Variants in DMXL2 observed in about 807,000 individuals in gnomAD.
The protein encoded by DMXL2 is dmX-like protein 2.
In DMXL2, 103 loss-of-function variants were observed where a neutral mutation model predicts 331.1. The observed-to-expected ratio is 0.31, with a 90% confidence interval of 0.27 to 0.37. The LOEUF is 0.37. DMXL2 is among the 10% of genes least tolerant of loss of function. DMXL2 has a pLI of 1.00. For synonymous variants in DMXL2, 1,281 were observed against 1,252.1 expected, an observed-to-expected ratio of 1.02 and a Z score of -0.49; for missense variants, 3,171 against 3,642.9, an observed-to-expected ratio of 0.87 and a Z score of 3.33.
chr15:51,518,577 T>C (rs571870774), intron 13 of DMXL2, among the ~76,000 whole-genome samples: 14 of 152,290 alleles, frequency 9.2e-5, no homozygotes, highest in Admixed American at 7.8e-4. Flanking sequence ...TTCATGCGTA[T>C]ATTAAAGTTT....
chr15:51,545,102 C>A (rs2048819530), intron 8 of DMXL2, among the ~76,000 whole-genome samples: 2 of 151,882 alleles, frequency 1.3e-5, no homozygotes, highest in Non-Finnish European at 2.9e-5. Flanking sequence ...ATGGAAACTC[C>A]AAAGCAGTTC....
intron 1 of DMXL2, among the ~76,000 whole-genome samples, chr15:51,579,579 T>C (rs2051271184): frequency 6.6e-6 from 1 of 152,204 alleles, no homozygotes; most frequent in Non-Finnish European, 1.5e-5. Flanking sequence ...TGTCAATAAA[T>C]AGCTGTATAG....
intron 22 of DMXL2, among the ~76,000 whole-genome samples, chr15:51,486,683 A>G (rs945903127): frequency 1.3e-5 from 2 of 152,208 alleles, no homozygotes; most frequent in Non-Finnish European, 2.9e-5. Context: ...ATTTCCAAAC[A>G]TATTTCTGCA....
chr15:51,557,816 T>C (rs539894450), intron 6 of DMXL2, among the ~76,000 whole-genome samples: 2 of 152,262 alleles, frequency 1.3e-5, no homozygotes, highest in East Asian at 3.9e-4. Flanking sequence ...CAACCAGATA[T>C]CCATAAGGAA....
chr15:51,457,633 A>G, intron 36 of DMXL2, 167 bp from the exon 37 acceptor site: 1 of 698,978 alleles, frequency 1.4e-6, no homozygotes, highest in Middle Eastern at 4.2e-4. Context: ...ATACTGGTTA[A>G]CTTTTTTCCC....
intron 22 of DMXL2, among the ~76,000 whole-genome samples, chr15:51,487,737 C>T (rs184549739): frequency 2.6e-5 from 4 of 152,278 alleles, no homozygotes; most frequent in Admixed American, 1.3e-4. Context: ...GGATTACAGG[C>T]GTGAGCCACC....
chr15:51,490,256 A>G (rs2140428991), intron 20 of DMXL2, among the ~76,000 whole-genome samples: 1 of 152,340 alleles, frequency 6.6e-6, no homozygotes, highest in South Asian at 2.1e-4. Context: ...CATGCACACC[A>G]GAATCATGGG....
intron 1 of DMXL2, among the ~76,000 whole-genome samples, chr15:51,615,307 T>C (rs866224816): frequency 3.3e-5 from 5 of 152,166 alleles, no homozygotes; most frequent in African/African-American, 9.7e-5. Flanking sequence ...AGTGTTTCAA[T>C]AGAGCAGAAA....
chr15:51,592,608 A>G (rs151298554), intron 1 of DMXL2, among the ~76,000 whole-genome samples: 6 of 152,338 alleles, frequency 3.9e-5, no homozygotes, highest in African/African-American at 9.6e-5. Context: ...TCCAAGACAC[A>G]TAATTGTCTG....
intron 33 of DMXL2, among the ~76,000 whole-genome samples, chr15:51,461,310 G>C (rs925923615): frequency 1.3e-5 from 2 of 152,134 alleles, no homozygotes; most frequent in Admixed American, 1.3e-4. Flanking sequence ...AGTTAAGGAA[G>C]AAGCAAACTC....
chr15:51,516,756 C>T (rs2047059886), intron 14 of DMXL2, among the ~76,000 whole-genome samples: 1 of 152,082 alleles, frequency 6.6e-6, no homozygotes, highest in Non-Finnish European at 1.5e-5. Context: ...GTACACTGTA[C>T]CTAACATGTG....
chr15:51,477,064 G>C (rs796242853), intron 26 of DMXL2, among the ~76,000 whole-genome samples: 1 of 151,906 alleles, frequency 6.6e-6, no homozygotes, highest in Admixed American at 6.5e-5. Flanking sequence ...CTGGTACTAG[G>C]ATACAGTAGG....
At chr15:51,523,909 A>G (rs2047519159) in intron 13 of DMXL2, among the ~76,000 whole-genome samples, 1 of 152,246 alleles carries the variant, frequency 6.6e-6, no homozygotes, top group African/African-American at 2.4e-5. Context: ...CGCTCTCAAG[A>G]CTTGATAGAA....
intron 1 of DMXL2, among the ~76,000 whole-genome samples, chr15:51,576,971 A>C (rs773160250): frequency 6.6e-6 from 1 of 152,210 alleles, no homozygotes; most frequent in African/African-American, 2.4e-5. Flanking sequence ...GAGTAAAACC[A>C]CACATTTCTT....
At chr15:51,477,064 G>GA (rs1195703385) in intron 26 of DMXL2, among the ~76,000 whole-genome samples, 1 of 151,906 alleles carries the variant, frequency 6.6e-6, no homozygotes, top group Non-Finnish European at 1.5e-5. Context: ...CTGGTACTAG[G>GA]ATACAGTAGG....
chr15:51,605,163 A>G (rs556321564), intron 1 of DMXL2, among the ~76,000 whole-genome samples: 28 of 152,230 alleles, frequency 1.8e-4, no homozygotes, highest in Non-Finnish European at 3.2e-4. Flanking sequence ...TGATACCAAA[A>G]CTCGACAAAA....
chr15:51,596,942 G>C (rs1389625740), intron 1 of DMXL2, among the ~76,000 whole-genome samples: 3 of 152,126 alleles, frequency 2.0e-5, no homozygotes, highest in East Asian at 3.9e-4. Context: ...GAGGGGGGTG[G>C]GATAGCATTA....
intron 19 of DMXL2, among the ~76,000 whole-genome samples, chr15:51,493,703 T>G: frequency 6.6e-6 from 1 of 152,192 alleles, no homozygotes; most frequent in East Asian, 1.9e-4. Flanking sequence ...TTTAGAAATT[T>G]GAAGTGTTTT....
At chr15:51,507,858 T>TA (rs1344713290) in intron 15 of DMXL2, among the ~76,000 whole-genome samples, 1 of 150,058 alleles carries the variant, frequency 6.7e-6, no homozygotes, top group Non-Finnish European at 1.5e-5. Flanking sequence ...AGTGGTAGGG[T>TA]AAAGAAAAAA....
Sources: allele counts gnomAD v4.1 joint callset (sites outside exome capture counted in the v4.1 genomes callset), GRCh38; gene constraint gnomAD v4.1.1; transcripts MANE v1.5; gene names NCBI Gene and HGNC (gene_info 2026-07-23, HGNC 2026-07-21).